CDKL5: variants seen among roughly 807,000 people sequenced by gnomAD.
CDKL5 encodes cyclin-dependent kinase-like 5.
In CDKL5, 8 loss-of-function variants were observed where a neutral mutation model predicts 61.7. The observed-to-expected ratio is 0.13, with a 90% CI of 0.08 to 0.23. The LOEUF is 0.23. Ranked by LOEUF, CDKL5 falls within the 10% of genes least tolerant of loss-of-function variation. The pLI is 1.00. For missense variants in CDKL5, 440 were observed against 734.5 expected, an observed-to-expected ratio of 0.60 and a Z score of 4.63; for synonymous variants, 275 against 272.3, an observed-to-expected ratio of 1.01 and a Z score of -0.10.
At chrX:18,462,937 T>C (rs915876951) in intron 1 of CDKL5, among the ~76,000 whole-genome samples, 2 of 110,655 alleles carry the variant, frequency 1.8e-5, no homozygotes, top group Non-Finnish European at 3.8e-5. Flanking sequence ...GGCAGGAGAA[T>C]CGCTTGAACC....
intron 1 of CDKL5, among the ~76,000 whole-genome samples, chrX:18,482,050 G>T (rs1157303212): frequency 4.5e-5 from 5 of 111,362 alleles, no homozygotes. Context: ...TTCCAACTTG[G>T]TCTTTTTACC....
Position 18,630,363 on chromosome X carries a change from G to T in CDKL5, c.*1606G>T, listed in dbSNP as rs1483718719. ...GCACCATCATCTATCAGTAGTAGTAGATTTTTGGAATTAGTCTCTGAGCAA... is the reference window on the plus strand; with the variant it reads ...GCACCATCATCTATCAGTAGTAGTATATTTTTGGAATTAGTCTCTGAGCAA... On this transcript the variant is annotated 3_prime_UTR_variant, in exon 18 of 18. Coordinates refer to ENST00000623535, the MANE Select transcript of CDKL5 (RefSeq NM_001323289.2). 6.7e-6 allele frequency: 5 copies of T among 751,283 alleles called. No homozygotes were observed. The highest frequency in any genetic ancestry group is 7.8e-6 in the Non-Finnish European group (5 of 638,637). The allele number at this position is 751,283 out of a possible 1,213,427, so 61.9% of individuals were successfully genotyped here.
At chrX:18,485,447 A>G (rs1218275184) in intron 1 of CDKL5, among the ~76,000 whole-genome samples, 2 of 111,915 alleles carry the variant, frequency 1.8e-5, no homozygotes, top group Non-Finnish European at 3.8e-5. Flanking sequence ...CTTGTTGTCT[A>G]TGGCAGTAGC....
At chrX:18,520,396 G>A (rs987921403) in intron 3 of CDKL5, among the ~76,000 whole-genome samples, 2 of 112,159 alleles carry the variant, frequency 1.8e-5, no homozygotes, top group East Asian at 5.6e-4. Flanking sequence ...TATCCACGTT[G>A]TAGCATGTAA....
At chrX:18,652,018 G>C (rs1338560367) in intron 21 of CDKL5, among the ~76,000 whole-genome samples, 1 of 109,924 alleles carries the variant, frequency 9.1e-6, no homozygotes, top group Non-Finnish European at 1.9e-5. Flanking sequence ...GGCCCCAGGT[G>C]CTACCTCCCC....
At position 18,477,114 on chromosome X, in the gene CDKL5, C is replaced by T. The variant is rs762492266; in HGVS notation, c.-162-29821C>T. ...TAATTTTTATTATTATTTTTTGAGA[C>T]GGAGTCTCGCTCTGTCACCGAGGCT... On this transcript the variant is annotated intron_variant, in intron 1 of 17. Transcript: ENST00000623535. 1.6e-4 allele frequency among the ~76,000 whole-genome samples: 17 copies of T among 108,496 alleles called. No homozygotes were observed. In the East Asian group the frequency reaches 3.5e-3, roughly 22 times the overall value. 94.2% of individuals were successfully genotyped at this position (108,496 alleles called of 115,157 possible).
chrX:18,644,286 C>T (rs1927686215), downstream of CDKL5: 1 of 576,919 alleles, frequency 1.7e-6, no homozygotes, highest in Non-Finnish European at 3.0e-6. Context: ...AAAGAGAGCA[C>T]AGCACATTGT....
Position 18,564,537 on chromosome X carries a change from ATATATATATATATCTG to A in CDKL5, c.145+23_145+38del. The A allele has an allele frequency of 1.6e-6, 1 of 622,462 alleles. No individual in the cohort carries two copies. Among genetic ancestry groups the A allele is most frequent in the Non-Finnish European group, 2.3e-6 (1 of 441,666 alleles). The allele number at this position is 622,462 out of a possible 1,213,427, so 51.3% of individuals were successfully genotyped here. A position where few individuals can be genotyped will look rare whatever the true frequency, so the allele number is the denominator to read the frequency against. On this transcript the variant is annotated intron_variant, in intron 4 of 17. Coordinates refer to ENST00000623535, the MANE Select transcript of CDKL5 (RefSeq NM_001323289.2). ...GGACAGTGAAGGTAGATATATATATATATATATATATATCTGTATATATGTATTTTTCCTTCTGTAT... is the reference window on the plus strand; with the variant it reads ...GGACAGTGAAGGTAGATATATATATATATATATGTATTTTTCCTTCTGTAT...
intron 2 of CDKL5, among the ~76,000 whole-genome samples, chrX:18,509,779 G>A (rs1922758936): frequency 9.0e-6 from 1 of 110,764 alleles, no homozygotes; most frequent in African/African-American, 3.3e-5. Flanking sequence ...CATGAACTGA[G>A]TCTTTATTTA....
chrX:18,509,197 G>GCACGCGCGCGCACACACACACACACACA, intron 2 of CDKL5, among the ~76,000 whole-genome samples: 1 of 64,308 alleles, frequency 1.6e-5, no homozygotes, highest in African/African-American at 5.9e-5. Flanking sequence ...CTCAAAACAC[G>GCACGCGCGCGCACACACACACACACACA]CACACACACA....
chrX:18,597,181 T>G (rs1926024187), intron 10 of CDKL5, among the ~76,000 whole-genome samples: 1 of 111,038 alleles, frequency 9.0e-6, no homozygotes, highest in Non-Finnish European at 1.9e-5. Flanking sequence ...TATTGCCTTA[T>G]TATCAAATGT....
intron 4 of CDKL5, 32 bp from the exon 5 acceptor site, chrX:18,575,322 T>C: frequency 8.4e-7 from 1 of 1,192,404 alleles, no homozygotes; most frequent in Non-Finnish European, 1.1e-6. Context: ...AAAGTTTTCA[T>C]TTTAGTCTCT....
At chrX:18,549,550 T>C (rs191365611) in intron 3 of CDKL5, among the ~76,000 whole-genome samples, 1 of 112,403 alleles carries the variant, frequency 8.9e-6, no homozygotes, top group Admixed American at 9.4e-5. Flanking sequence ...GGTTTTTGTC[T>C]TCTGATCTTT....
downstream of CDKL5, chrX:18,641,985 C>T (rs914603090): frequency 1.2e-5 from 15 of 1,208,350 alleles, no homozygotes; most frequent in African/African-American, 3.5e-5. Flanking sequence ...CCCTGGCAGG[C>T]GCCGAGCTGA....
intron 3 of CDKL5, among the ~76,000 whole-genome samples, chrX:18,537,858 T>G: frequency 8.9e-6 from 1 of 112,444 alleles, no homozygotes; most frequent in Admixed American, 9.4e-5. Context: ...TTTATTGCTC[T>G]TTTTTAGTAT....
chrX:18,547,405 A>C (rs1924236548), intron 3 of CDKL5, among the ~76,000 whole-genome samples: 1 of 112,273 alleles, frequency 8.9e-6, no homozygotes, highest in Admixed American at 9.4e-5. Flanking sequence ...TGAATATTTT[A>C]AATTTTCATT....
chrX:18,507,122 T>C lies in CDKL5; in HGVS notation c.26T>C (p.Val9Ala), dbSNP rs1569197962. Residue 9 changes from valine (V) to alanine (A), a missense_variant, in exon 2 of 18, where the codon GTG becomes GCG. Transcript: ENST00000623535. MKIPNIGNVMNKFEILGVV... is the reference protein window; with the variant it reads MKIPNIGNAMNKFEILGVV... ...ATGAAGATTCCTAACATTGGTAATG[T>C]GATGAATAAATTTGAGATCCTTGGG... 8.3e-7 allele frequency: 1 copy of C among 1,204,324 alleles called. No homozygotes were observed. Among genetic ancestry groups the C allele is most frequent in the Non-Finnish European group, 1.1e-6 (1 of 889,009 alleles).
chrX:18,502,885 T>C (rs1191268794), intron 1 of CDKL5, among the ~76,000 whole-genome samples: 1 of 111,874 alleles, frequency 8.9e-6, no homozygotes, highest in Non-Finnish European at 1.9e-5. Flanking sequence ...CTCATACTTG[T>C]AGTAGGAGGG....
chrX:18,634,056 T>A lies in CDKL5; in HGVS notation c.*5299T>A, dbSNP rs1927311843. The A allele has an allele frequency of 1.3e-6, 1 of 752,464 alleles. No individual in the cohort carries two copies. The highest frequency in any genetic ancestry group is 2.3e-5 in the African/African-American group (1 of 43,150). The allele number at this position is 752,464 out of a possible 1,213,427, so 62.0% of individuals were successfully genotyped here. ...AGTTTCACTTCTAAAGCCCTTCATT[T>A]CCCACAAGGTTAAGCTCTCGAAACC... On this transcript the variant is annotated 3_prime_UTR_variant, in exon 18 of 18. Coordinates refer to ENST00000623535, the MANE Select transcript of CDKL5 (RefSeq NM_001323289.2).
Sources: allele counts gnomAD v4.1 joint callset (sites outside exome capture counted in the v4.1 genomes callset), GRCh38; gene constraint gnomAD v4.1.1; transcripts MANE v1.5; gene names NCBI Gene and HGNC (gene_info 2026-07-23, HGNC 2026-07-21).